Variants in UNC13C observed in about 807,000 individuals in gnomAD.
The protein encoded by UNC13C is unc-13 homolog C.
In UNC13C, 174 loss-of-function variants were observed where a neutral mutation model predicts 245.4. That is an observed-to-expected ratio of 0.71 (90% confidence interval 0.63 to 0.80). The LOEUF is 0.80. Among genes scored for constraint, UNC13C ranks in the 30% least tolerant of loss-of-function variants. The probability of loss-of-function intolerance (pLI) is 0.00; values close to 1 mark genes in which losing one functional copy is unlikely to be tolerated. For missense variants in UNC13C, 2,829 were observed against 2,602.9 expected, an observed-to-expected ratio of 1.09 and a Z score of -1.89; for synonymous variants, 992 against 895.1, an observed-to-expected ratio of 1.11 and a Z score of -1.93.
intron 2 of UNC13C, among the ~76,000 whole-genome samples, chr15:54,088,679 T>C (rs1325024388): frequency 6.6e-6 from 1 of 152,188 alleles, no homozygotes; most frequent in Non-Finnish European, 1.5e-5. Flanking sequence ...GGAGTTAGGA[T>C]TGCAGGTGAA....
At chr15:53,871,129 A>G in the UNC13C span, among the ~76,000 whole-genome samples, 4 of 152,058 alleles carry the variant, frequency 2.6e-5, no homozygotes, top group Admixed American at 6.6e-5. Context: ...TTTCTTCTCA[A>G]ATTCCTTTAC....
chr15:54,408,058 G>T (rs952346737), intron 18 of UNC13C, among the ~76,000 whole-genome samples: 1 of 151,348 alleles, frequency 6.6e-6, no homozygotes, highest in African/African-American at 2.4e-5. Flanking sequence ...AAAATTAGCC[G>T]GGCATGGTGG....
At chr15:54,605,697 TGATG>T (rs560561851) in intron 30 of UNC13C, among the ~76,000 whole-genome samples, 83 of 152,298 alleles carry the variant, frequency 5.4e-4, no homozygotes, top group Non-Finnish European at 9.6e-4. Flanking sequence ...AGTGAATGTT[TGATG>T]GATGATGACT....
At chr15:54,284,354 G>A (rs1204593490) in intron 10 of UNC13C, among the ~76,000 whole-genome samples, 1 of 152,112 alleles carries the variant, frequency 6.6e-6, no homozygotes, top group Admixed American at 6.6e-5. Context: ...ACTCCTACCT[G>A]TGATGTTTCT....
At chr15:54,280,801 CT>C (rs2036974548) in intron 10 of UNC13C, among the ~76,000 whole-genome samples, 4 of 146,734 alleles carry the variant, frequency 2.7e-5, no homozygotes, top group Admixed American at 2.0e-4. Context: ...TATATATATA[CT>C]TTTTAAAAAA....
At chr15:53,935,751 G>A in the UNC13C span, among the ~76,000 whole-genome samples, 2 of 152,148 alleles carry the variant, frequency 1.3e-5, no homozygotes. Flanking sequence ...AAGATAGGTG[G>A]TGAGTGTTAT....
At chr15:54,018,983 A>G (rs764435589) in intron 2 of UNC13C, among the ~76,000 whole-genome samples, 1 of 152,234 alleles carries the variant, frequency 6.6e-6, no homozygotes, top group African/African-American at 2.4e-5. Context: ...TTTAATCGCT[A>G]AGACTATGAC....
chr15:54,101,657 C>T (rs1473343126), intron 2 of UNC13C, among the ~76,000 whole-genome samples: 2 of 151,838 alleles, frequency 1.3e-5, no homozygotes, highest in East Asian at 1.9e-4. Flanking sequence ...CTCTGCTCAC[C>T]GCAACCTCTG....
chr15:54,116,159 G>A (rs2030230568), intron 2 of UNC13C, among the ~76,000 whole-genome samples: 2 of 151,870 alleles, frequency 1.3e-5, no homozygotes, highest in Non-Finnish European at 2.9e-5. Context: ...CATAATAGAT[G>A]TACATATTTT....
intron 2 of UNC13C, among the ~76,000 whole-genome samples, chr15:54,071,349 A>G (rs1302334870): frequency 6.6e-6 from 1 of 152,200 alleles, no homozygotes; most frequent in Non-Finnish European, 1.5e-5. Flanking sequence ...TATGTAAAAA[A>G]CAGTGCCTAG....
chr15:54,225,169 T>TC, intron 4 of UNC13C, among the ~76,000 whole-genome samples: 1 of 120,462 alleles, frequency 8.3e-6, no homozygotes, highest in Admixed American at 9.0e-5. Flanking sequence ...GAGTTCTCTG[T>TC]CTTTTTTTTT....
chr15:53,856,078 A>G, the UNC13C span, among the ~76,000 whole-genome samples: 1 of 152,140 alleles, frequency 6.6e-6, no homozygotes, highest in Non-Finnish European at 1.5e-5. Context: ...TTGTGTGCAT[A>G]GAGATGTTAT....
the UNC13C span, among the ~76,000 whole-genome samples, chr15:53,871,053 ATTT>A: frequency 6.6e-6 from 1 of 152,150 alleles, no homozygotes; most frequent in East Asian, 1.9e-4. Context: ...GTTCATTCTC[ATTT>A]AGTCTCCAAA....
chr15:53,894,262 G>A, the UNC13C span, among the ~76,000 whole-genome samples: 16 of 152,212 alleles, frequency 1.1e-4, no homozygotes. Flanking sequence ...GCTGGGAGCT[G>A]CAGACTGGAG....
At chr15:54,331,535 C>A (rs1181835364) in intron 14 of UNC13C, among the ~76,000 whole-genome samples, 2 of 152,018 alleles carry the variant, frequency 1.3e-5, no homozygotes, top group African/African-American at 4.8e-5. Flanking sequence ...GCATTTGCTT[C>A]CAAAAAGAAA....
chr15:54,138,472 T>C (rs1410625277), intron 2 of UNC13C, among the ~76,000 whole-genome samples: 2 of 152,054 alleles, frequency 1.3e-5, no homozygotes, highest in African/African-American at 4.8e-5. Flanking sequence ...TGAAGTAACC[T>C]CAAACATGAG....
At chr15:54,119,782 G>A (rs1567028699) in intron 2 of UNC13C, among the ~76,000 whole-genome samples, 1 of 152,106 alleles carries the variant, frequency 6.6e-6, no homozygotes, top group African/African-American at 2.4e-5. Flanking sequence ...TGATAAAAAA[G>A]CAAAACAACT....
At chr15:53,981,860 C>G (rs1893941356) in intron 1 of UNC13C, among the ~76,000 whole-genome samples, 1 of 152,118 alleles carries the variant, frequency 6.6e-6, no homozygotes, top group East Asian at 1.9e-4. Flanking sequence ...CATCTCTTGT[C>G]AAAATGGTTG....
chr15:54,079,589 A>G (rs1898827083), intron 2 of UNC13C, among the ~76,000 whole-genome samples: 1 of 151,714 alleles, frequency 6.6e-6, no homozygotes, highest in African/African-American at 2.4e-5. Flanking sequence ...AATGGGATTG[A>G]GTTTTTCATT....
Sources: gnomAD v4.1 joint callset for allele counts (sites outside exome capture counted in the v4.1 genomes callset) on GRCh38, gnomAD v4.1.1 for gene constraint, MANE v1.5 for transcripts, NCBI Gene and HGNC (gene_info 2026-07-23, HGNC 2026-07-21) for gene names.